STIM2: variants seen among roughly 807,000 people sequenced by gnomAD.
STIM2 encodes stromal interaction molecule 2.
Under a neutral mutation model 85.8 loss-of-function variants are expected in STIM2, and 31 were observed. The ratio of observed to expected loss-of-function variants is 0.36; its 90% CI spans 0.27 to 0.49. The LOEUF (loss-of-function observed/expected upper bound fraction) is 0.49. Among genes scored for constraint, STIM2 ranks in the 20% least tolerant of loss-of-function variants. The probability of loss-of-function intolerance (pLI) is 0.98; values close to 1 mark genes in which losing one functional copy is unlikely to be tolerated. For synonymous variants in STIM2, 356 were observed against 331.1 expected (o/e 1.08, Z -0.82); for missense variants, 841 against 927.6 (o/e 0.91, Z 1.21).
At chr4:27,008,679 A>G (rs776911496) in intron 9 of STIM2, 85 bp from the exon 10 acceptor site, 6 of 1,325,878 alleles carry the variant, frequency 4.5e-6, no homozygotes, top group Non-Finnish European at 5.3e-6. Context: ...GTTAATTGCC[A>G]TGGTCTGTTC....
At chr4:26,936,201 C>G (rs550780969) in intron 2 of STIM2, among the ~76,000 whole-genome samples, 5 of 152,202 alleles carry the variant, frequency 3.3e-5, no homozygotes, top group Admixed American at 6.5e-5. Context: ...TGTGAAACTT[C>G]TACCTGGTCC....
chr4:26,893,975 G>A (rs1723600158), intron 1 of STIM2, among the ~76,000 whole-genome samples: 1 of 152,052 alleles, frequency 6.6e-6, no homozygotes, highest in South Asian at 2.1e-4. Flanking sequence ...TGCAACCTCT[G>A]CCTCCCGGGT....
chr4:26,968,421 C>T (rs910878506), intron 3 of STIM2, among the ~76,000 whole-genome samples: 5 of 152,098 alleles, frequency 3.3e-5, no homozygotes, highest in Non-Finnish European at 4.4e-5. Context: ...AAGCCAGTCA[C>T]GTAAAAAATA....
rs573426491 is a variant in STIM2 at position 26,870,883 on chromosome 4, G to A, written c.151+9514G>A. Among the ~76,000 whole-genome samples the A allele has an allele frequency of 4.8e-3, 730 of 151,978 alleles. 8 individuals are homozygous for A. The highest frequency in any genetic ancestry group is 0.017 in the African/African-American group (708 of 41,434). On this transcript the variant is annotated intron_variant, in intron 1 of 11. Coordinates refer to ENST00000467087, the MANE Select transcript of STIM2 (RefSeq NM_020860.4). ...TTTGATGTGGAGATGCAGGTTATTA[G>A]TAGGTTATTAGTGAATCCTTTTTTT...
At chr4:26,955,033 GAAATT>G (rs1726192719) in intron 2 of STIM2, among the ~76,000 whole-genome samples, 1 of 145,882 alleles carries the variant, frequency 6.9e-6, no homozygotes, top group Admixed American at 6.7e-5. Context: ...AAATTTCTTA[GAAATT>G]AAATTCCTTA....
chr4:26,897,522 T>A (rs1039705642), intron 1 of STIM2, among the ~76,000 whole-genome samples: 1 of 152,194 alleles, frequency 6.6e-6, no homozygotes, highest in Admixed American at 6.5e-5. Flanking sequence ...GTGTAATAAA[T>A]TTCTATTATC....
intron 3 of STIM2, among the ~76,000 whole-genome samples, chr4:26,965,807 GT>G (rs1726695281): frequency 6.6e-6 from 1 of 152,106 alleles, no homozygotes; most frequent in South Asian, 2.1e-4. Flanking sequence ...ATTGTTCTTG[GT>G]TTTATTCTGA....
At chr4:26,906,076 T>C (rs1724112752) in intron 1 of STIM2, among the ~76,000 whole-genome samples, 1 of 152,146 alleles carries the variant, frequency 6.6e-6, no homozygotes, top group Non-Finnish European at 1.5e-5. Flanking sequence ...AATTAAGATA[T>C]TATAGAATAC....
rs561139728 is a variant in STIM2, at chr4:26,962,947, C to A, written c.397+5221C>A. Among the ~76,000 whole-genome samples the A allele has an allele frequency of 4.9e-4, 74 of 152,206 alleles. 1 individual carries two copies. The highest frequency in any genetic ancestry group is 1.7e-3 in the African/African-American group (70 of 41,546). On this transcript the variant is annotated intron_variant, in intron 3 of 11. Transcript: ENST00000467087. ...CCATCCTGTTCAGCACAAGTCTTAACCTACCTAAGGTCACTGTTTAATTTT... is the reference window on the plus strand; with the variant it reads ...CCATCCTGTTCAGCACAAGTCTTAAACTACCTAAGGTCACTGTTTAATTTT...
chr4:26,973,916 T>G (rs920585807), intron 3 of STIM2, among the ~76,000 whole-genome samples: 7 of 152,198 alleles, frequency 4.6e-5, no homozygotes, highest in Admixed American at 1.3e-4. Flanking sequence ...ATGAATCTGG[T>G]TGCTCCTGTA....
chr4:26,972,305 C>T (rs1219481460), intron 3 of STIM2, among the ~76,000 whole-genome samples: 6 of 152,122 alleles, frequency 3.9e-5, no homozygotes, highest in Non-Finnish European at 7.3e-5. Context: ...GAGAGGGCGT[C>T]CTTGTCTTGT....
chr4:27,003,116 A>C lies in STIM2; in HGVS notation c.981+12A>C. On this transcript the variant is annotated intron_variant, in intron 7 of 11. Transcript: ENST00000467087. ...AGGAATTGGAACAGGTATTTACATT[A>C]AAAAAAAAATCACTTGTAAAGATGT... 7.9e-7 allele frequency: 1 copy of C among 1,270,664 alleles called. No homozygotes were observed. The highest frequency in any genetic ancestry group is 1.7e-5 in the South Asian group (1 of 59,454). 78.7% of individuals were successfully genotyped at this position (1,270,664 alleles called of 1,614,324 possible). A position where few individuals can be genotyped will look rare whatever the true frequency, so the allele number is the denominator to read the frequency against.
intron 2 of STIM2, among the ~76,000 whole-genome samples, chr4:26,940,807 G>T (rs988983900): frequency 2.0e-5 from 3 of 151,998 alleles, no homozygotes; most frequent in African/African-American, 7.3e-5. Flanking sequence ...TAGTCCAGTG[G>T]TCTCAAATTT....
chr4:26,895,469 A>G (rs913049633), intron 1 of STIM2, among the ~76,000 whole-genome samples: 1 of 152,162 alleles, frequency 6.6e-6, no homozygotes, highest in African/African-American at 2.4e-5. Context: ...GTTTTTTTGC[A>G]TGTTAGGAAG....
At chr4:26,908,637 C>T (rs1320479012) in intron 1 of STIM2, among the ~76,000 whole-genome samples, 1 of 152,164 alleles carries the variant, frequency 6.6e-6, no homozygotes, top group Non-Finnish European at 1.5e-5. Context: ...GCACATGCTA[C>T]CACGCCCGGC....
intron 1 of STIM2, among the ~76,000 whole-genome samples, chr4:26,892,254 A>G (rs1235013393): frequency 1.3e-5 from 2 of 152,222 alleles, no homozygotes; most frequent in Non-Finnish European, 2.9e-5. Context: ...TGCGTGGCTT[A>G]AACATCAAAC....
chr4:26,930,132 G>A (rs1392753037), intron 2 of STIM2, among the ~76,000 whole-genome samples: 1 of 152,138 alleles, frequency 6.6e-6, no homozygotes, highest in East Asian at 1.9e-4. Context: ...CAGAATCTGT[G>A]ATCTGTTAAG....
chr4:26,871,997 G>A (rs1305881393), intron 1 of STIM2, among the ~76,000 whole-genome samples: 1 of 152,158 alleles, frequency 6.6e-6, no homozygotes, highest in Non-Finnish European at 1.5e-5. Context: ...AAAATGGGAT[G>A]CAAAGAATAA....
At chr4:26,905,886 A>G (rs1352337061) in intron 1 of STIM2, among the ~76,000 whole-genome samples, 1 of 152,164 alleles carries the variant, frequency 6.6e-6, no homozygotes, top group Admixed American at 6.5e-5. Flanking sequence ...GGATTACTGT[A>G]TCTTAAATTA....
Sources: allele counts gnomAD v4.1 joint callset (sites outside exome capture counted in the v4.1 genomes callset), GRCh38; gene constraint gnomAD v4.1.1; transcripts MANE v1.5; gene names NCBI Gene and HGNC (gene_info 2026-07-23, HGNC 2026-07-21).